DPP10: variants seen among roughly 807,000 people sequenced by gnomAD.
DPP10 encodes inactive dipeptidyl peptidase 10.
Under a neutral mutation model 120.9 loss-of-function variants are expected in DPP10, and 33 were observed. That is an observed-to-expected ratio of 0.27 (90% CI 0.21 to 0.37). The LOEUF is 0.37. Ranked by LOEUF, DPP10 falls within the 10% of genes least tolerant of loss-of-function variation. DPP10 has a pLI of 1.00. For synonymous variants in DPP10, 337 were observed against 326.1 expected, an observed-to-expected ratio of 1.03 and a Z score of -0.36; for missense variants, 816 against 942.8, an observed-to-expected ratio of 0.87 and a Z score of 1.76.
intron 1 of DPP10, among the ~76,000 whole-genome samples, chr2:114,972,853 CAGA>C (rs1434872912): frequency 2.0e-5 from 3 of 152,092 alleles, no homozygotes; most frequent in Non-Finnish European, 4.4e-5. Context: ...AGCTCCATAA[CAGA>C]AGAATAGACG....
At chr2:115,359,937 T>C (rs2064660338) in intron 3 of DPP10, among the ~76,000 whole-genome samples, 1 of 152,226 alleles carries the variant, frequency 6.6e-6, no homozygotes, top group African/African-American at 2.4e-5. Flanking sequence ...TTAATTTCTC[T>C]AGTAAGTTTC....
intron 1 of DPP10, among the ~76,000 whole-genome samples, chr2:115,118,417 C>G (rs1435778490): frequency 6.6e-6 from 1 of 152,128 alleles, no homozygotes; most frequent in Non-Finnish European, 1.5e-5. Context: ...ATTTTTAAAG[C>G]TTTTTGTAAG....
At chr2:115,670,959 G>C (rs2089829558) in intron 5 of DPP10, among the ~76,000 whole-genome samples, 1 of 152,104 alleles carries the variant, frequency 6.6e-6, no homozygotes, top group African/African-American at 2.4e-5. Context: ...GAAAAAAATT[G>C]TTAAGCCATG....
rs570325797 is a variant in DPP10 at position 115,352,979 on chromosome 2, G to A, written c.271+9067G>A. Among the ~76,000 whole-genome samples the A allele has an allele frequency of 4.6e-5, 7 of 151,588 alleles. No individual in the cohort carries two copies. In the South Asian group the frequency reaches 1.3e-3, roughly 27 times the overall value. Reference sequence around the variant, plus strand: ...TTCACTTACATATGGTAATGATCATGACTAATATATACATGTACCACTGAC... The same window carrying A: ...TTCACTTACATATGGTAATGATCATAACTAATATATACATGTACCACTGAC... On this transcript the variant is annotated intron_variant, in intron 3 of 25. Coordinates refer to ENST00000410059, the MANE Select transcript of DPP10 (RefSeq NM_020868.6).
chr2:114,870,454 A>G (rs56384215), intron 1 of DPP10, among the ~76,000 whole-genome samples: 1 of 152,048 alleles, frequency 6.6e-6, no homozygotes, highest in African/African-American at 2.4e-5. Flanking sequence ...GTAAAAAAAA[A>G]ATCCTCCATT....
chr2:114,880,685 T>A (rs1246797267), intron 1 of DPP10, among the ~76,000 whole-genome samples: 3 of 152,084 alleles, frequency 2.0e-5, no homozygotes, highest in Non-Finnish European at 4.4e-5. Flanking sequence ...AATACAAATA[T>A]ATAAAATGGT....
At chr2:115,327,876 A>T (rs2062459555) in intron 2 of DPP10, among the ~76,000 whole-genome samples, 1 of 152,050 alleles carries the variant, frequency 6.6e-6, no homozygotes, top group South Asian at 2.1e-4. Context: ...TATAATGACA[A>T]TTGTTTGATG....
intron 5 of DPP10, among the ~76,000 whole-genome samples, chr2:115,528,574 C>T (rs912503187): frequency 2.0e-5 from 3 of 151,920 alleles, no homozygotes; most frequent in Admixed American, 6.6e-5. Flanking sequence ...ATATTTGCAG[C>T]AGCCTTATTT....
chr2:115,259,176 G>A (rs564040144), intron 1 of DPP10, among the ~76,000 whole-genome samples: 2 of 152,226 alleles, frequency 1.3e-5, no homozygotes, highest in East Asian at 3.9e-4. Flanking sequence ...GGTGCCCAAA[G>A]GGAGGAAGGA....
chr2:114,802,213 A>G (rs1190404468), intron 1 of DPP10, among the ~76,000 whole-genome samples: 3 of 152,218 alleles, frequency 2.0e-5, no homozygotes, highest in African/African-American at 7.2e-5. Context: ...CAGCCATGAG[A>G]TTCAGGAAGG....
chr2:115,755,202 G>T (rs6724496), intron 11 of DPP10, among the ~76,000 whole-genome samples: 12,921 of 151,962 alleles, frequency 0.085, 607 homozygotes, highest in South Asian at 0.13. Flanking sequence ...CAATAACAAA[G>T]TTATTAGAAA....
intron 3 of DPP10, among the ~76,000 whole-genome samples, chr2:115,461,881 T>C (rs1201172284): frequency 6.6e-6 from 1 of 152,144 alleles, no homozygotes; most frequent in African/African-American, 2.4e-5. Context: ...GCTTGCTCTT[T>C]CTCTCTGTTT....
chr2:115,698,103 G>A (rs986618003), intron 7 of DPP10, among the ~76,000 whole-genome samples: 1 of 152,116 alleles, frequency 6.6e-6, no homozygotes, highest in Non-Finnish European at 1.5e-5. Flanking sequence ...AATTCTTCAG[G>A]ATGGATCATA....
chr2:115,405,545 C>T (rs6542260), intron 3 of DPP10, among the ~76,000 whole-genome samples: 75,638 of 151,924 alleles, frequency 0.5, 20,143 homozygotes, highest in Non-Finnish European at 0.61. Flanking sequence ...TTCCACTGGG[C>T]ATTCTAGAGA....
intron 1 of DPP10, among the ~76,000 whole-genome samples, chr2:115,228,917 T>C (rs986311027): frequency 2.0e-5 from 3 of 152,146 alleles, no homozygotes; most frequent in African/African-American, 7.2e-5. Flanking sequence ...CTGGATCTTA[T>C]AATAGCTCTA....
At chr2:115,699,816 G>A (rs1004928492) in intron 7 of DPP10, among the ~76,000 whole-genome samples, 22 of 152,170 alleles carry the variant, frequency 1.4e-4, no homozygotes, top group African/African-American at 5.3e-4. Flanking sequence ...CTGTGTAAAA[G>A]ATTATACAAC....
At chr2:114,467,830 C>G (rs1414911038) in intron 1 of DPP10, among the ~76,000 whole-genome samples, 1 of 149,424 alleles carries the variant, frequency 6.7e-6, no homozygotes, top group Non-Finnish European at 1.5e-5. Context: ...GAGACCCCAT[C>G]TCTACAAAAC....
At position 114,829,574 on chromosome 2, in the gene DPP10, G is replaced by A. The variant is rs183525192; in HGVS notation, c.60+386736G>A. Among the ~76,000 whole-genome samples the A allele has an allele frequency of 7.0e-3, 1,031 of 146,886 alleles. 11 individuals carry two copies. The highest frequency in any genetic ancestry group is 0.024 in the African/African-American group (964 of 39,798). Reference sequence around the variant, plus strand: ...GTATTTTTGGTAGAGATGGGTTTTCGCCATGTTGGCCAGGCTGGTCTCGAA... The same window carrying A: ...GTATTTTTGGTAGAGATGGGTTTTCACCATGTTGGCCAGGCTGGTCTCGAA... On this transcript the variant is annotated intron_variant, in intron 1 of 25. Coordinates refer to ENST00000410059, the MANE Select transcript of DPP10 (RefSeq NM_020868.6).
At chr2:115,718,178 T>C (rs2092552052) in intron 7 of DPP10, among the ~76,000 whole-genome samples, 1 of 80,184 alleles carries the variant, frequency 1.2e-5, no homozygotes, top group African/African-American at 4.1e-5. Flanking sequence ...ACTACTAGCT[T>C]CCAGTAATTA....
Sources: allele counts gnomAD v4.1 joint callset (sites outside exome capture counted in the v4.1 genomes callset), GRCh38; gene constraint gnomAD v4.1.1; transcripts MANE v1.5; gene names NCBI Gene and HGNC (gene_info 2026-07-23, HGNC 2026-07-21).